PRDM6: variants seen among roughly 807,000 people sequenced by gnomAD.
PRDM6 encodes the protein PR/SET domain 6.
A neutral mutation model predicts 60.8 loss-of-function variants in PRDM6; 25 were observed. The ratio of observed to expected loss-of-function variants is 0.41; its 90% CI spans 0.30 to 0.57. PRDM6 has a LOEUF of 0.57. Ranked by LOEUF, PRDM6 falls within the 20% of genes least tolerant of loss-of-function variation. The pLI, the probability that PRDM6 is intolerant of heterozygous loss-of-function variation, is 0.27. For missense variants in PRDM6, 839 were observed against 821.3 expected (o/e 1.02, Z -0.26); for synonymous variants, 407 against 357.4 (o/e 1.14, Z -1.57).
intron 5 of PRDM6, among the ~76,000 whole-genome samples, chr5:123,162,485 A>G (rs1451133437): frequency 6.6e-6 from 1 of 152,228 alleles, no homozygotes; most frequent in African/African-American, 2.4e-5. Flanking sequence ...AATAAACTCT[A>G]CCAGGATATA....
chr5:123,095,501 C>A (rs1415524047), intron 2 of PRDM6, among the ~76,000 whole-genome samples: 4 of 152,266 alleles, frequency 2.6e-5, no homozygotes, highest in African/African-American at 4.8e-5. Flanking sequence ...AGCCCCCACG[C>A]CCCTCCCCGC....
At chr5:123,141,642 C>T (rs1765105200) in intron 3 of PRDM6, among the ~76,000 whole-genome samples, 1 of 152,074 alleles carries the variant, frequency 6.6e-6, no homozygotes, top group Non-Finnish European at 1.5e-5. Context: ...CTGCCCAGTT[C>T]CACTTAATAC....
At chr5:123,140,693 C>T (rs72787544) in intron 3 of PRDM6, among the ~76,000 whole-genome samples, 5,989 of 152,092 alleles carry the variant, frequency 0.039, 151 homozygotes, top group Non-Finnish European at 0.061. Flanking sequence ...TTTTTGCTTT[C>T]CGATGAAATT....
intron 3 of PRDM6, among the ~76,000 whole-genome samples, chr5:123,145,576 T>C (rs1765220636): frequency 6.6e-6 from 1 of 152,198 alleles, no homozygotes; most frequent in Non-Finnish European, 1.5e-5. Flanking sequence ...GGCTCTTACA[T>C]ACTCCCTTTC....
intron 3 of PRDM6, among the ~76,000 whole-genome samples, chr5:123,154,705 C>T (rs927426263): frequency 2.0e-5 from 3 of 152,080 alleles, no homozygotes; most frequent in Non-Finnish European, 4.4e-5. Context: ...ACTTATTTTC[C>T]ATGCTTATTT....
In PRDM6 at chr5:123,193,983, GGA is replaced by G. The variant is rs1766478455; in HGVS notation, c.*6784_*6785del. ...AGAAGAATCTCACTGTGGGTGATAA[GGA>G]GTGTGTAGTTTGCTGTAAGGGCCAC... On this transcript the variant is annotated 3_prime_UTR_variant, in exon 8 of 8. Coordinates refer to ENST00000407847, the MANE Select transcript of PRDM6 (RefSeq NM_001136239.4). 1 of 152,138 alleles carries G rather than the reference GGA, an allele frequency of 6.6e-6. No homozygotes were observed. The highest frequency in any genetic ancestry group is 1.5e-5 in the Non-Finnish European group (1 of 68,036). 9.4% of individuals were successfully genotyped at this position (152,138 alleles called of 1,614,324 possible).
intron 3 of PRDM6, among the ~76,000 whole-genome samples, chr5:123,144,507 G>A (rs146191170): frequency 6.6e-6 from 1 of 152,246 alleles, no homozygotes; most frequent in Non-Finnish European, 1.5e-5. Context: ...AAGCACTGAG[G>A]CATGAATGGG....
rs1027333646 is a variant in PRDM6 at position 123,133,837 on chromosome 5, A to C, written c.901-22047A>C. 6.6e-5 allele frequency among the ~76,000 whole-genome samples: 10 copies of C among 152,186 alleles called. No homozygotes were observed. In the East Asian group the frequency reaches 1.9e-3, roughly 29 times the overall value. ...CTGTGATGTTTATCAATCAAAAAAA[A>C]AAAAAGGAAAGTCTCTTCTTCCTTC... On this transcript the variant is annotated intron_variant, in intron 3 of 7. Coordinates refer to ENST00000407847, the MANE Select transcript of PRDM6 (RefSeq NM_001136239.4).
chr5:123,139,242 C>T (rs1580510540), intron 3 of PRDM6, among the ~76,000 whole-genome samples: 1 of 152,060 alleles, frequency 6.6e-6, no homozygotes, highest in East Asian at 1.9e-4. Flanking sequence ...TACACTAGTT[C>T]AGTTTTTAAA....
rs1040597468 is a variant in PRDM6 at position 123,099,829 on chromosome 5, C to T, written c.768C>T (p.Pro256=). ...REVCLCTSTV[P]GLAYGICAAQ... ...TGTGCCTCTGCACCAGTACTGTGCC[C>T]GGCCTGGCCTACGGCATCTGCGCGG... Residue 256 remains proline (P), a synonymous_variant, in exon 3 of 8, where the codon CCC becomes CCT. Coordinates refer to ENST00000407847, the MANE Select transcript of PRDM6 (RefSeq NM_001136239.4). The surrounding 1 kb of genome is among the most constrained non-coding windows in gnomAD (Gnocchi z 4.0). The T allele has an allele frequency of 2.5e-5, 39 of 1,550,492 alleles. No individual in the cohort carries two copies. Among genetic ancestry groups the T allele is most frequent in the East Asian group, 4.9e-5 (2 of 40,894 alleles).
At chr5:123,160,536 GA>G (rs1321501428) in intron 5 of PRDM6, among the ~76,000 whole-genome samples, 2 of 152,048 alleles carry the variant, frequency 1.3e-5, no homozygotes, top group African/African-American at 4.8e-5. Context: ...ACTTCATTTT[GA>G]AAAAAGTGGG....
At chr5:123,167,927 TA>T (rs1457468581) in intron 5 of PRDM6, among the ~76,000 whole-genome samples, 2 of 152,204 alleles carry the variant, frequency 1.3e-5, no homozygotes, top group African/African-American at 4.8e-5. Context: ...TAATGTTGCC[TA>T]AAACCTCGTG....
At chr5:123,102,046 G>A (rs1180085695) in intron 3 of PRDM6, among the ~76,000 whole-genome samples, 1 of 152,134 alleles carries the variant, frequency 6.6e-6, no homozygotes, top group Non-Finnish European at 1.5e-5. Flanking sequence ...ATGCTTGGAT[G>A]ATCTACAGGA....
chr5:123,162,021 G>T (rs1189271060), intron 5 of PRDM6, among the ~76,000 whole-genome samples: 1 of 152,172 alleles, frequency 6.6e-6, no homozygotes, highest in Non-Finnish European at 1.5e-5. Context: ...AAATCCAACA[G>T]CATTTTCTGA....
intron 5 of PRDM6, among the ~76,000 whole-genome samples, chr5:123,165,593 T>C (rs969418254): frequency 6.6e-6 from 1 of 152,226 alleles, no homozygotes; most frequent in African/African-American, 2.4e-5. Flanking sequence ...TAGGTAGCTC[T>C]GTCCCATAGA....
At chr5:123,180,985 A>T (rs1423239797) in intron 7 of PRDM6, among the ~76,000 whole-genome samples, 1 of 152,268 alleles carries the variant, frequency 6.6e-6, no homozygotes, top group Non-Finnish European at 1.5e-5. Context: ...CTTTGGCAAG[A>T]TAATGGCATC....
At chr5:123,128,012 T>C (rs1004770043) in intron 3 of PRDM6, among the ~76,000 whole-genome samples, 1 of 151,256 alleles carries the variant, frequency 6.6e-6, no homozygotes, top group African/African-American at 2.4e-5. Flanking sequence ...AGTGAGAACA[T>C]GCGGTGTTTG....
In PRDM6 at chr5:123,187,530, T is replaced by C. The variant is rs948735943; in HGVS notation, c.*329T>C. ...TATTTAATACCAAAGGGAGGAATCG[T>C]ATGGGTTCTTCTGCCCACCGTTGTG... On this transcript the variant is annotated 3_prime_UTR_variant, in exon 8 of 8. Coordinates refer to ENST00000407847, the MANE Select transcript of PRDM6 (RefSeq NM_001136239.4). 4 of 228,536 alleles carry C rather than the reference T, an allele frequency of 1.8e-5. No homozygotes were observed. The highest frequency in any genetic ancestry group is 5.1e-5 in the Admixed American group (1 of 19,476). The allele number at this position is 228,536 out of a possible 1,614,324, so 14.2% of individuals were successfully genotyped here. A position where few individuals can be genotyped will look rare whatever the true frequency, so the allele number is the denominator to read the frequency against.
chr5:123,128,337 T>A (rs1213783334), intron 3 of PRDM6, among the ~76,000 whole-genome samples: 1 of 152,230 alleles, frequency 6.6e-6, no homozygotes, highest in East Asian at 1.9e-4. Context: ...CCTTGAGGAA[T>A]CGCCTCACTG....
Sources: gnomAD v4.1 joint callset for allele counts (sites outside exome capture counted in the v4.1 genomes callset) on GRCh38, gnomAD v4.1.1 for gene constraint, Gnocchi (gnomAD v3.1) non-coding constraint, MANE v1.5 for transcripts, NCBI Gene and HGNC (gene_info 2026-07-23, HGNC 2026-07-21) for gene names.